The following OCA2 variants were observed in gnomAD, a reference collection of about 807,000 sequenced individuals.
OCA2 encodes the protein P protein.
OCA2 carries 77 observed loss-of-function variants against 100.2 expected under a neutral mutation model. The observed-to-expected ratio is 0.77, with a 90% CI of 0.64 to 0.93. The LOEUF is 0.93. OCA2 is among the 40% of genes least tolerant of loss of function. OCA2 has a pLI of 0.00. For missense variants in OCA2, 1,062 were observed against 1,089.1 expected, an observed-to-expected ratio of 0.98 and a Z score of 0.35; for synonymous variants, 432 against 439.2, an observed-to-expected ratio of 0.98 and a Z score of 0.21.
At chr15:27,907,523 A>T (rs913093477) in intron 19 of OCA2, among the ~76,000 whole-genome samples, 1 of 152,190 alleles carries the variant, frequency 6.6e-6, no homozygotes, top group Admixed American at 6.5e-5. Flanking sequence ...GAAATTAATG[A>T]CATGGAGAAT....
intron 19 of OCA2, among the ~76,000 whole-genome samples, chr15:27,922,969 T>C (rs2038919550): frequency 1.3e-5 from 2 of 152,108 alleles, no homozygotes; most frequent in African/African-American, 4.8e-5. Flanking sequence ...CCTCCCACCT[T>C]TCATCCTCCA....
intron 23 of OCA2, among the ~76,000 whole-genome samples, chr15:27,801,347 A>T (rs971546341): frequency 6.6e-5 from 10 of 152,106 alleles, no homozygotes; most frequent in Admixed American, 1.3e-4. Context: ...AGGTCAAGAG[A>T]TCAAGACCAT....
intron 23 of OCA2, among the ~76,000 whole-genome samples, chr15:27,801,550 CAAAA>C (rs34636608): frequency 1.9e-3 from 70 of 37,830 alleles, no homozygotes; most frequent in Admixed American, 3.5e-3. Context: ...GACTCGGTCT[CAAAA>C]AAAAAAAAAA....
At chr15:27,737,186 A>G in the OCA2 span, among the ~76,000 whole-genome samples, 7 of 152,266 alleles carry the variant, frequency 4.6e-5, no homozygotes, top group African/African-American at 1.7e-4. Flanking sequence ...ATCATTCTTC[A>G]GAGAACTTAA....
intron 23 of OCA2, among the ~76,000 whole-genome samples, chr15:27,791,084 T>A (rs964947529): frequency 6.6e-6 from 1 of 152,252 alleles, no homozygotes; most frequent in East Asian, 1.9e-4. Flanking sequence ...CCACTGTGCC[T>A]GGCCCTGATT....
At chr15:27,759,612 C>A (rs527735651) in intron 23 of OCA2, among the ~76,000 whole-genome samples, 2 of 151,600 alleles carry the variant, frequency 1.3e-5, no homozygotes, top group South Asian at 2.1e-4. Context: ...GTCAATCCAC[C>A]GAGAGATCAT....
chr15:27,788,360 T>G (rs1162374561), intron 23 of OCA2, among the ~76,000 whole-genome samples: 4 of 152,138 alleles, frequency 2.6e-5, no homozygotes, highest in African/African-American at 9.6e-5. Context: ...TTCATACATT[T>G]AGGGATTTTG....
At chr15:27,835,696 T>C (rs138342246) in intron 23 of OCA2, among the ~76,000 whole-genome samples, 2 of 152,350 alleles carry the variant, frequency 1.3e-5, no homozygotes, top group African/African-American at 4.8e-5. Context: ...GTTCTCAGGC[T>C]CCTGGCAATG....
intron 9 of OCA2, among the ~76,000 whole-genome samples, chr15:28,012,220 T>C (rs1165251440): frequency 1.3e-5 from 2 of 152,124 alleles, no homozygotes; most frequent in East Asian, 1.9e-4. Flanking sequence ...AGAAATTAAG[T>C]TGAAAGCACA....
chr15:27,770,935 CTTCCTTCCTTGCTTCCATCT>C (rs2031765034), intron 23 of OCA2, among the ~76,000 whole-genome samples: 2 of 124,222 alleles, frequency 1.6e-5, no homozygotes, highest in Non-Finnish European at 3.8e-5. Context: ...CTTTTCCTTT[CTTCCTTCCTTGCTTCCATCT>C]TTCCTTCCTC....
chr15:28,004,734 CACAT>C lies in OCA2; in HGVS notation c.1044+10038_1044+10041del, dbSNP rs1196161588. ...CACAGACACAACAGAGTCACACTCT[CACAT>C]GCAATCACACACAGACACATGGTCT... On this transcript the variant is annotated intron_variant, in intron 9 of 23. Transcript: ENST00000354638. 9.2e-5 allele frequency among the ~76,000 whole-genome samples: 14 copies of C among 152,220 alleles called. No homozygotes were observed. In the East Asian group the frequency reaches 2.7e-3, roughly 29 times the overall value.
chr15:27,882,383 A>G (rs979681799), intron 19 of OCA2, among the ~76,000 whole-genome samples: 1 of 152,164 alleles, frequency 6.6e-6, no homozygotes, highest in Non-Finnish European at 1.5e-5. Flanking sequence ...TTGTAGTTTC[A>G]TTTCTAACCT....
chr15:27,742,680 A>C, the OCA2 span, among the ~76,000 whole-genome samples: 1 of 152,204 alleles, frequency 6.6e-6, no homozygotes, highest in African/African-American at 2.4e-5. Context: ...GCTTGAACCT[A>C]ACCGGCTATA....
At chr15:27,733,737 T>A in the OCA2 span, among the ~76,000 whole-genome samples, 3 of 152,162 alleles carry the variant, frequency 2.0e-5, no homozygotes, top group Admixed American at 6.5e-5. Context: ...TATTTATTAA[T>A]AATGAAAAAC....
chr15:27,815,429 C>T (rs1196449224), intron 23 of OCA2, among the ~76,000 whole-genome samples: 1 of 152,164 alleles, frequency 6.6e-6, no homozygotes, highest in African/African-American at 2.4e-5. Context: ...ACCCACCAAA[C>T]TAGCAATGAG....
intron 21 of OCA2, among the ~76,000 whole-genome samples, chr15:27,854,049 G>A (rs1245696018): frequency 2.6e-5 from 4 of 152,200 alleles, no homozygotes; most frequent in African/African-American, 7.2e-5. Context: ...GCAGGATTTC[G>A]TGTGTGCCCT....
In OCA2 at chr15:28,027,961, C is replaced by T; in HGVS notation, c.425G>A (p.Arg142Lys). 1 of 1,614,192 alleles carries T rather than the reference C, an allele frequency of 6.2e-7. No homozygotes were observed. The highest frequency in any genetic ancestry group is 8.5e-7 in the Non-Finnish European group (1 of 1,180,042). ...ADWERRYLLS[R>K]EVSGLSASAS... is the part of the protein sequence containing the mutation. ...AGATGCAGACAGACCAGACACCTCC[C>T]TGCTTAGCAGGTATCTTCGCTCCCA... The change falls in exon 4 of 24, where the codon AGG (arginine) becomes AAG (lysine). Residue 142 changes from arginine (R) to lysine (K), a missense_variant. By Grantham distance (26) the Arg-to-Lys change is conservative (BLOSUM62 2). Coordinates refer to ENST00000354638, the MANE Select transcript of OCA2 (RefSeq NM_000275.3).
At chr15:27,954,280 A>G (rs193167419) in intron 17 of OCA2, among the ~76,000 whole-genome samples, 57 of 152,130 alleles carry the variant, frequency 3.7e-4, no homozygotes, top group African/African-American at 1.4e-3. Context: ...CAGTTCTCCA[A>G]CTCATGACTA....
chr15:27,730,433 C>T, the OCA2 span, among the ~76,000 whole-genome samples: 1 of 152,150 alleles, frequency 6.6e-6, no homozygotes, highest in Admixed American at 6.5e-5. Context: ...GGAAGGTCTG[C>T]AAACCCCGTT....
Sources: allele counts gnomAD v4.1 joint callset (sites outside exome capture counted in the v4.1 genomes callset), GRCh38; gene constraint gnomAD v4.1.1; transcripts MANE v1.5; gene names NCBI Gene and HGNC (gene_info 2026-07-23, HGNC 2026-07-21).